SETX: variants seen among roughly 807,000 people sequenced by gnomAD.
SETX encodes senataxin.
A neutral mutation model predicts 227.2 loss-of-function variants in SETX; 90 were observed. That is an observed-to-expected ratio of 0.40 (90% CI 0.33 to 0.47). SETX has a LOEUF of 0.47. Ranked by LOEUF, SETX falls within the 20% of genes least tolerant of loss-of-function variation. SETX has a pLI of 0.91. For missense variants in SETX, 3,052 were observed against 3,181.5 expected (o/e 0.96, Z 0.98); for synonymous variants, 1,210 against 1,113.2 (o/e 1.09, Z -1.73).
At chr9:132,353,620 G>A (rs977053758) in intron 2 of SETX, 29 bp downstream of exon 2, 3 of 103,892 alleles carry the variant, frequency 2.9e-5, no homozygotes, top group Admixed American at 1.2e-4. Flanking sequence ...TTGGTGCTCT[G>A]AACTCCTGCT....
At chr9:132,271,959 T>A in intron 23 of SETX, 151 bp from the exon 24 acceptor site, 1 of 585,126 alleles carries the variant, frequency 1.7e-6, no homozygotes, top group African/African-American at 1.9e-5. Context: ...CTCAGTTCAC[T>A]GCAAGCTCTG....
At chr9:132,314,475 C>T (rs1845851786) in intron 10 of SETX, among the ~76,000 whole-genome samples, 1 of 152,178 alleles carries the variant, frequency 6.6e-6, no homozygotes, top group Non-Finnish European at 1.5e-5. Flanking sequence ...CTACCCACCT[C>T]GGCCTCCCAA....
rs1842575433 is a variant in SETX, at chr9:132,265,103, CAA to C, written c.7288-120_7288-119del. The C allele has an allele frequency of 3.3e-6, 4 of 1,214,720 alleles. No individual in the cohort carries two copies. In the Admixed American group the frequency reaches 5.7e-5, roughly 17 times the overall value. The allele number at this position is 1,214,720 out of a possible 1,614,324, so 75.2% of individuals were successfully genotyped here. A position where few individuals can be genotyped will look rare whatever the true frequency, so the allele number is the denominator to read the frequency against. On this transcript the variant is annotated intron_variant, in intron 25 of 25. Transcript: ENST00000224140. The stretch of plus-strand genomic sequence containing the variant: ...ACATATTATTGTATGAACATATTCT[CAA>C]GATTCATTACTCGTCAGACAAGGAT...
At chr9:132,299,453 A>G (rs898434527) in intron 12 of SETX, among the ~76,000 whole-genome samples, 1 of 152,126 alleles carries the variant, frequency 6.6e-6, no homozygotes, top group East Asian at 1.9e-4. Context: ...CCTCACTGCA[A>G]CTCTTCTAAA....
rs1846693869 is a variant in SETX at position 132,325,650 on chromosome 9, G to C, written c.5274+674C>G. Among the ~76,000 whole-genome samples, 4 of 152,286 alleles carry C rather than the reference G, an allele frequency of 2.6e-5. No individual in the cohort carries two copies. The South Asian group carries it at 8.3e-4, about 32-fold the overall frequency. On this transcript the variant is annotated intron_variant, in intron 10 of 25. Transcript: ENST00000224140. ...CTCCAAGGAGCAGAGTTTCCAGCCAGGCACAGTGGCTCATGCCCGTAATCC... is the reference window on the plus strand; with the variant it reads ...CTCCAAGGAGCAGAGTTTCCAGCCACGCACAGTGGCTCATGCCCGTAATCC...
chr9:132,275,632 G>T (rs1172510520), intron 22 of SETX, among the ~76,000 whole-genome samples: 1 of 152,144 alleles, frequency 6.6e-6, no homozygotes, highest in Non-Finnish European at 1.5e-5. Flanking sequence ...TGGTAAATAT[G>T]AATACATGTG....
At chr9:132,304,773 G>C (rs1845223689) in intron 11 of SETX, among the ~76,000 whole-genome samples, 1 of 151,570 alleles carries the variant, frequency 6.6e-6, no homozygotes, top group South Asian at 2.1e-4. Flanking sequence ...CAAGGCAGGA[G>C]GATAACCTGA....
chr9:132,286,887 G>C (rs1380204974), intron 17 of SETX, among the ~76,000 whole-genome samples: 1 of 152,188 alleles, frequency 6.6e-6, no homozygotes, highest in African/African-American at 2.4e-5. Context: ...CTCACCCAGG[G>C]ACTAAACTAA....
chr9:132,306,677 T>C (rs1845353806), intron 11 of SETX, among the ~76,000 whole-genome samples: 1 of 152,260 alleles, frequency 6.6e-6, no homozygotes, highest in Non-Finnish European at 1.5e-5. Flanking sequence ...CATATATATG[T>C]AAAAAGTATA....
At chr9:132,354,665 T>A (rs1291294512) in intron 1 of SETX, among the ~76,000 whole-genome samples, 1 of 151,228 alleles carries the variant, frequency 6.6e-6, no homozygotes, top group Non-Finnish European at 1.5e-5. Context: ...GACCGCAGTG[T>A]AGACAACGGA....
intron 10 of SETX, among the ~76,000 whole-genome samples, chr9:132,315,196 C>T (rs1418226934): frequency 2.0e-5 from 3 of 152,100 alleles, no homozygotes; most frequent in East Asian, 3.9e-4. Context: ...GGATTACAGG[C>T]GTGAGCCACT....
At chr9:132,354,546 G>T (rs1450620595) in intron 1 of SETX, among the ~76,000 whole-genome samples, 1 of 151,584 alleles carries the variant, frequency 6.6e-6, no homozygotes, top group African/African-American at 2.4e-5. Context: ...AGGGACTCCA[G>T]GCGAGAGGCA....
rs144218635 is a variant in SETX, at chr9:132,316,698, T to C, written c.5275-4842A>G. On this transcript the variant is annotated intron_variant, in intron 10 of 25. Transcript: ENST00000224140. ...TTCCCCACTGATTTGTGATGTCCTA[T>C]TTATCTCGTTTTATCTAAGATTGAC... Among the ~76,000 whole-genome samples the C allele has an allele frequency of 3.2e-3, 495 of 152,308 alleles. 4 individuals carry two copies. Among genetic ancestry groups the C allele is most frequent in the African/African-American group, 0.011 (471 of 41,574 alleles).
rs868080303 is a variant in SETX at position 132,311,829 on chromosome 9, T to TTG, written c.5300_5301dup (p.Asn1768GlnfsTer19). ...TGCAACTGATAGAAATTCTCTCTAT[T>TTG]TGGAGAGTTGAGCCATTCTTGTGCC... is the stretch of plus-strand genomic sequence containing the variant. On this transcript the variant is annotated frameshift_variant, in exon 11 of 26. Coordinates refer to ENST00000224140, the MANE Select transcript of SETX (RefSeq NM_015046.7). LOFTEE classifies it high-confidence loss of function. The TTG allele has an allele frequency of 6.2e-7, 1 of 1,613,406 alleles. No individual in the cohort carries two copies. The highest frequency in any genetic ancestry group is 8.5e-7 in the Non-Finnish European group (1 of 1,179,716).
At chr9:132,341,846 A>G (rs533496423) in intron 5 of SETX, among the ~76,000 whole-genome samples, 1 of 152,142 alleles carries the variant, frequency 6.6e-6, no homozygotes, top group East Asian at 1.9e-4. Flanking sequence ...CACCCAGGCC[A>G]GGTTTCCACT....
Position 132,336,355 on chromosome 9 carries a change from T to A in SETX, c.659A>T (p.Lys220Ile), listed in dbSNP as rs915946825. 1.2e-6 allele frequency: 2 copies of A among 1,613,956 alleles called. No individual in the cohort carries two copies. The highest frequency in any genetic ancestry group is 1.7e-6 in the Non-Finnish European group (2 of 1,179,976). ...IYTSSVLEKG[K>I]LILLPSHMYD... ...CATGTGTGAGGGCAGAAGAATCAGT[T>A]TACCCTTCTCTAGGACAGAAGAAGT... Residue 220 changes from lysine to isoleucine, a missense_variant, in exon 6 of 26, where the codon AAA (lysine) becomes ATA (isoleucine). This residue lies in a region of SETX where 239 missense variants were observed against 240.8 expected (regional missense o/e 0.99). Transcript: ENST00000224140.
At chr9:132,310,930 T>C (rs894870652) in intron 11 of SETX, among the ~76,000 whole-genome samples, 2 of 152,256 alleles carry the variant, frequency 1.3e-5, no homozygotes, top group Non-Finnish European at 2.9e-5. Flanking sequence ...AAGAATACAG[T>C]ACATAATACA....
At chr9:132,303,514 T>C (rs1208056641) in intron 11 of SETX, among the ~76,000 whole-genome samples, 1 of 151,684 alleles carries the variant, frequency 6.6e-6, no homozygotes, top group Non-Finnish European at 1.5e-5. Flanking sequence ...AGCATTTTGA[T>C]GGGATGCCAT....
At chr9:132,314,237 C>T (rs1050671440) in intron 10 of SETX, among the ~76,000 whole-genome samples, 10 of 152,268 alleles carry the variant, frequency 6.6e-5, no homozygotes, top group South Asian at 6.2e-4. Flanking sequence ...GGATTACAGG[C>T]GCCCACCACC....
Sources: gnomAD v4.1 joint callset for allele counts (sites outside exome capture counted in the v4.1 genomes callset) on GRCh38, gnomAD v4.1.1 for gene constraint, gnomAD v4.1.1 regional missense constraint, MANE v1.5 for transcripts, NCBI Gene and HGNC (gene_info 2026-07-23, HGNC 2026-07-21) for gene names.